PTPRD: variants seen among roughly 807,000 people sequenced by gnomAD.
PTPRD encodes the protein protein tyrosine phosphatase receptor type D.
Under a neutral mutation model 214.5 loss-of-function variants are expected in PTPRD, and 34 were observed. The observed-to-expected ratio is 0.16, with a 90% confidence interval of 0.12 to 0.21. The LOEUF (loss-of-function observed/expected upper bound fraction) is 0.21, where lower values mean the gene tolerates loss of function less well. PTPRD is among the 10% of genes least tolerant of loss of function. The pLI is 1.00. For missense variants in PTPRD, 2,545 were observed against 2,398.7 expected (o/e 1.06, Z -1.27); for synonymous variants, 1,128 against 845.7 (o/e 1.33, Z -5.79).
At chr9:10,075,290 T>A (rs1471481753) in intron 3 of PTPRD, among the ~76,000 whole-genome samples, 1 of 152,048 alleles carries the variant, frequency 6.6e-6, no homozygotes, top group African/African-American at 2.4e-5. Context: ...ACTTAGTACA[T>A]TATTTGACAT....
rs376437906 is a variant in PTPRD at position 10,275,592 on chromosome 9, G to A, written c.-545+65371C>T. Among the ~76,000 whole-genome samples, 39 of 152,132 alleles carry A rather than the reference G, an allele frequency of 2.6e-4. 1 individual carries two copies. The South Asian group carries it at 7.9e-3, about 31-fold the overall frequency. ...ATTTTGGGGAAATGAAGGGAAGTTCGATTCCATTATTGGGATAGACTACCA... is the reference window on the plus strand; with the variant it reads ...ATTTTGGGGAAATGAAGGGAAGTTCAATTCCATTATTGGGATAGACTACCA... On this transcript the variant is annotated intron_variant, in intron 3 of 45. Coordinates refer to ENST00000381196, the MANE Select transcript of PTPRD (RefSeq NM_002839.4).
intron 8 of PTPRD, among the ~76,000 whole-genome samples, chr9:9,444,009 ACTTTAT>A (rs1377859877): frequency 3.3e-5 from 5 of 152,198 alleles, no homozygotes; most frequent in Admixed American, 1.3e-4. Context: ...AATCATATGG[ACTTTAT>A]CTTCATTACA....
At chr9:9,675,000 C>T (rs2096902055) in intron 7 of PTPRD, among the ~76,000 whole-genome samples, 1 of 151,716 alleles carries the variant, frequency 6.6e-6, no homozygotes, top group East Asian at 1.9e-4. Flanking sequence ...ACATAGAATT[C>T]TAGATAACAA....
chr9:8,724,441 T>A (rs533963890), intron 12 of PTPRD, among the ~76,000 whole-genome samples: 1 of 152,298 alleles, frequency 6.6e-6, no homozygotes, highest in Admixed American at 6.5e-5. Context: ...AACTTCCAAC[T>A]AGCCTCTTAA....
intron 3 of PTPRD, among the ~76,000 whole-genome samples, chr9:10,068,656 C>T (rs1320213550): frequency 6.6e-6 from 1 of 151,636 alleles, no homozygotes; most frequent in East Asian, 2.0e-4. Context: ...ACTGGTGTAA[C>T]CACAAGAGCT....
chr9:8,906,432 G>C (rs2098708220), intron 11 of PTPRD, among the ~76,000 whole-genome samples: 1 of 152,142 alleles, frequency 6.6e-6, no homozygotes, highest in African/African-American at 2.4e-5. Flanking sequence ...TCTTGATATA[G>C]TTCAGTTTTC....
chr9:9,948,508 A>C (rs2093068888), intron 4 of PTPRD, among the ~76,000 whole-genome samples: 1 of 152,106 alleles, frequency 6.6e-6, no homozygotes, highest in South Asian at 2.1e-4. Context: ...ATAAAGGATA[A>C]TAAAAGTAAA....
At chr9:8,816,476 G>C (rs1446219546) in intron 11 of PTPRD, among the ~76,000 whole-genome samples, 6 of 152,134 alleles carry the variant, frequency 3.9e-5, no homozygotes, top group Non-Finnish European at 7.3e-5. Context: ...TGGCAAGCTA[G>C]CAGTATCGTT....
chr9:9,581,843 A>C (rs2090873073), intron 7 of PTPRD, among the ~76,000 whole-genome samples: 1 of 152,188 alleles, frequency 6.6e-6, no homozygotes, highest in South Asian at 2.1e-4. Flanking sequence ...CTTGTTAAGT[A>C]ATTTATACAT....
At chr9:8,586,477 T>C (rs2093666908) in intron 14 of PTPRD, among the ~76,000 whole-genome samples, 1 of 152,186 alleles carries the variant, frequency 6.6e-6, no homozygotes, top group South Asian at 2.1e-4. Flanking sequence ...GTTGTCCTTA[T>C]TTCATCCACT....
intron 11 of PTPRD, among the ~76,000 whole-genome samples, chr9:8,887,881 T>C (rs554411613): frequency 2.0e-5 from 3 of 152,332 alleles, no homozygotes; most frequent in African/African-American, 7.2e-5. Context: ...AGCGCTTTGA[T>C]GTCAAGTCTT....
intron 43 of PTPRD, among the ~76,000 whole-genome samples, chr9:8,334,159 T>A (rs1046123062): frequency 6.6e-6 from 1 of 152,136 alleles, no homozygotes; most frequent in Non-Finnish European, 1.5e-5. Flanking sequence ...ATTCAGGACT[T>A]GAAGTCAGCT....
intron 2 of PTPRD, among the ~76,000 whole-genome samples, chr9:10,341,716 C>T (rs1277606818): frequency 6.6e-6 from 1 of 151,918 alleles, no homozygotes; most frequent in African/African-American, 2.4e-5. Flanking sequence ...CTCTAAACTG[C>T]TGCTTATCTG....
chr9:8,437,746 G>T (rs1239219930), intron 34 of PTPRD, among the ~76,000 whole-genome samples: 1 of 152,134 alleles, frequency 6.6e-6, no homozygotes, highest in African/African-American at 2.4e-5. Context: ...GAAAAGACAG[G>T]AGGGAAAGAG....
chr9:9,904,021 C>G (rs1192001416), intron 5 of PTPRD, among the ~76,000 whole-genome samples: 1 of 152,040 alleles, frequency 6.6e-6, no homozygotes, highest in African/African-American at 2.4e-5. Context: ...AAACCAGTTA[C>G]CCCTGGCAAA....
At chr9:9,045,965 G>A (rs2099671184) in intron 10 of PTPRD, among the ~76,000 whole-genome samples, 1 of 152,110 alleles carries the variant, frequency 6.6e-6, no homozygotes, top group South Asian at 2.1e-4. Context: ...AGCTGCCTCG[G>A]TTCTGCACAG....
intron 7 of PTPRD, among the ~76,000 whole-genome samples, chr9:9,704,329 T>C (rs1389309330): frequency 6.6e-6 from 1 of 152,144 alleles, no homozygotes; most frequent in African/African-American, 2.4e-5. Context: ...TTACGTCTGT[T>C]TAATCATAGT....
intron 2 of PTPRD, among the ~76,000 whole-genome samples, chr9:10,516,121 C>A (rs370843773): frequency 6.6e-6 from 1 of 151,822 alleles, no homozygotes; most frequent in Non-Finnish European, 1.5e-5. Context: ...CATATGGTAG[C>A]TCTATTTTTT....
chr9:9,022,297 C>T (rs1339781442), intron 10 of PTPRD, among the ~76,000 whole-genome samples: 3 of 152,068 alleles, frequency 2.0e-5, no homozygotes, highest in Non-Finnish European at 4.4e-5. Flanking sequence ...TGTCCTTGTC[C>T]TCCATATTAC....
Sources: gnomAD v4.1 joint callset for allele counts (sites outside exome capture counted in the v4.1 genomes callset) on GRCh38, gnomAD v4.1.1 for gene constraint, MANE v1.5 for transcripts, NCBI Gene and HGNC (gene_info 2026-07-23, HGNC 2026-07-21) for gene names.